Variants in CYP2C19 observed in about 807,000 individuals in gnomAD.
The protein encoded by CYP2C19 is cytochrome P450 2C19.
A neutral mutation model predicts 40.9 loss-of-function variants in CYP2C19; 59 were observed. That is an observed-to-expected ratio of 1.44 (90% confidence interval 1.17 to 1.79). The LOEUF (loss-of-function observed/expected upper bound fraction) is 1.79, where lower values mean the gene tolerates loss of function less well. CYP2C19 is among the 40% of genes most tolerant of loss of function. The pLI is 0.00. For synonymous variants in CYP2C19, 253 were observed against 208.7 expected, an observed-to-expected ratio of 1.21 and a Z score of -1.83; for missense variants, 754 against 596.9, an observed-to-expected ratio of 1.26 and a Z score of -2.74.
intron 6 of CYP2C19, among the ~76,000 whole-genome samples, chr10:94,822,946 T>A (rs1849152880): frequency 6.6e-6 from 1 of 152,198 alleles, no homozygotes; most frequent in South Asian, 2.1e-4. Flanking sequence ...CTTGTTAATT[T>A]GTTTTAGTTT....
chr10:94,784,821 C>T (rs1417050359), intron 5 of CYP2C19, among the ~76,000 whole-genome samples: 3 of 152,000 alleles, frequency 2.0e-5, no homozygotes, highest in Non-Finnish European at 2.9e-5. Flanking sequence ...AACTCTTGAC[C>T]TCAGGTGATC....
chr10:94,772,843 G>A (rs762899248), intron 1 of CYP2C19, among the ~76,000 whole-genome samples: 26 of 152,166 alleles, frequency 1.7e-4, no homozygotes, highest in African/African-American at 4.6e-4. Context: ...CTGCAGTGGC[G>A]CAACCTTGGC....
intron 5 of CYP2C19, among the ~76,000 whole-genome samples, chr10:94,815,342 G>C (rs1273224143): frequency 1.3e-5 from 2 of 152,206 alleles, no homozygotes; most frequent in Non-Finnish European, 2.9e-5. Context: ...GTCACTTGGA[G>C]ACTCTAAAAG....
intron 6 of CYP2C19, among the ~76,000 whole-genome samples, chr10:94,826,325 T>A (rs2134273402): frequency 6.6e-6 from 1 of 152,268 alleles, no homozygotes; most frequent in Middle Eastern, 3.4e-3. Flanking sequence ...GTATCCTCTT[T>A]TATTTCCTTG....
At chr10:94,821,651 C>T (rs925374495) in intron 6 of CYP2C19, among the ~76,000 whole-genome samples, 10 of 152,098 alleles carry the variant, frequency 6.6e-5, no homozygotes, top group African/African-American at 2.4e-4. Context: ...ATTTTAAAGA[C>T]TTTCGGTTAT....
At chr10:94,787,164 T>A (rs890293829) in intron 5 of CYP2C19, among the ~76,000 whole-genome samples, 4 of 152,134 alleles carry the variant, frequency 2.6e-5, no homozygotes, top group Non-Finnish European at 5.9e-5. Flanking sequence ...ACATCTGTTA[T>A]TTTTTGGCTT....
In CYP2C19 at chr10:94,796,566, A is replaced by G. The variant is rs187974713; in HGVS notation, c.819+14569A>G. Among the ~76,000 whole-genome samples, 545 of 152,156 alleles carry G rather than the reference A, an allele frequency of 3.6e-3. 8 individuals are homozygous for G. Among genetic ancestry groups the G allele is most frequent in the African/African-American group, 0.012 (517 of 41,514 alleles). On this transcript the variant is annotated intron_variant, in intron 5 of 8. Transcript: ENST00000371321. ...GGTATCTTGATGGGGATGGCATTGA[A>G]TCTATAAATTACCTTGGGCAGTATG...
intron 5 of CYP2C19, among the ~76,000 whole-genome samples, chr10:94,816,291 C>T (rs1849001178): frequency 6.9e-6 from 1 of 144,126 alleles, no homozygotes; most frequent in African/African-American, 2.6e-5. Context: ...ATTTTTATGG[C>T]ATAAGTGGGA....
At position 94,855,114 on chromosome 10, in the gene CYP2C19, A is replaced by G. The variant is rs1320023666; in HGVS notation, c.*2200A>G. ...TGGCTCATGAACTCCTTTTTCTTTC[A>G]CTCCAAACACTTGCTTCTTTTGTTA... On this transcript the variant is annotated 3_prime_UTR_variant, in exon 9 of 9. Coordinates refer to ENST00000371321, the MANE Select transcript of CYP2C19 (RefSeq NM_000769.4). Among the ~76,000 whole-genome samples, 15 of 151,668 alleles carry G rather than the reference A, an allele frequency of 9.9e-5. No homozygotes were observed. Among genetic ancestry groups the G allele is most frequent in the Admixed American group, 9.2e-4 (14 of 15,220 alleles).
intron 6 of CYP2C19, among the ~76,000 whole-genome samples, chr10:94,841,329 AG>A (rs1355849714): frequency 6.6e-6 from 1 of 152,222 alleles, no homozygotes; most frequent in Non-Finnish European, 1.5e-5. Flanking sequence ...TCACTGGATC[AG>A]GAGCACAGCA....
chr10:94,825,529 T>G (rs1315338088), intron 6 of CYP2C19, among the ~76,000 whole-genome samples: 1 of 139,496 alleles, frequency 7.2e-6, no homozygotes, highest in South Asian at 2.4e-4. Flanking sequence ...GTAAATTTGT[T>G]TGAGTTCATT....
chr10:94,833,646 T>G (rs561579240), intron 6 of CYP2C19, among the ~76,000 whole-genome samples: 1 of 152,328 alleles, frequency 6.6e-6, no homozygotes, highest in East Asian at 1.9e-4. Flanking sequence ...ATGTCCTTTG[T>G]AGGAACATGG....
intron 5 of CYP2C19, among the ~76,000 whole-genome samples, chr10:94,801,221 T>C (rs1369384209): frequency 6.6e-6 from 1 of 152,252 alleles, no homozygotes; most frequent in Non-Finnish European, 1.5e-5. Context: ...CTTTCTCTTG[T>C]GGACATTTAG....
At chr10:94,791,774 C>T (rs1848608378) in intron 5 of CYP2C19, among the ~76,000 whole-genome samples, 1 of 152,048 alleles carries the variant, frequency 6.6e-6, no homozygotes, top group African/African-American at 2.4e-5. Flanking sequence ...CTGAGGAGTG[C>T]TTTACTTCCA....
intron 1 of CYP2C19, among the ~76,000 whole-genome samples, chr10:94,768,404 G>A (rs1848278000): frequency 6.6e-6 from 1 of 152,166 alleles, no homozygotes; most frequent in Non-Finnish European, 1.5e-5. Flanking sequence ...GGTCATCTCA[G>A]GTGGCATAAA....
intron 5 of CYP2C19, among the ~76,000 whole-genome samples, chr10:94,803,031 A>G (rs369016653): frequency 6.6e-6 from 1 of 151,888 alleles, no homozygotes; most frequent in Admixed American, 6.6e-5. Context: ...CCTTCATATC[A>G]TATTTTGAAT....
In CYP2C19 at chr10:94,833,182, T is replaced by C. The variant is rs75169832; in HGVS notation, c.962-9655T>C. On this transcript the variant is annotated intron_variant, in intron 6 of 8. Coordinates refer to ENST00000371321, the MANE Select transcript of CYP2C19 (RefSeq NM_000769.4). ...TGTGGAATCTTTAGGTTTTTCCTAG[T>C]ATAAGGTTATATCATCTGCACACAA... Among the ~76,000 whole-genome samples the C allele has an allele frequency of 8.2e-3, 1,252 of 152,344 alleles. 15 individuals are homozygous for C. Among genetic ancestry groups the C allele is most frequent in the African/African-American group, 0.029 (1,190 of 41,572 alleles).
At chr10:94,820,099 T>A (rs1170765274) in intron 5 of CYP2C19, among the ~76,000 whole-genome samples, 2 of 151,402 alleles carry the variant, frequency 1.3e-5, no homozygotes, top group African/African-American at 4.9e-5. Flanking sequence ...TGCAAATCAA[T>A]AAATGTAATC....
intron 1 of CYP2C19, among the ~76,000 whole-genome samples, chr10:94,764,254 C>G (rs1194677078): frequency 2.6e-5 from 4 of 152,218 alleles, no homozygotes; most frequent in African/African-American, 7.2e-5. Flanking sequence ...CCACCCATGT[C>G]CTGCTGATTG....
Sources: allele counts gnomAD v4.1 joint callset (sites outside exome capture counted in the v4.1 genomes callset), GRCh38; gene constraint gnomAD v4.1.1; transcripts MANE v1.5; gene names NCBI Gene and HGNC (gene_info 2026-07-23, HGNC 2026-07-21).